NIPAL3: variants seen among roughly 807,000 people sequenced by gnomAD.
NIPAL3 encodes NIPA-like protein 3.
A neutral mutation model predicts 47.2 loss-of-function variants in NIPAL3; 41 were observed. The observed-to-expected ratio is 0.87, with a 90% confidence interval of 0.68 to 1.13. NIPAL3 has a LOEUF of 1.13. Ranked by LOEUF, NIPAL3 falls within the 50% of genes most tolerant of loss-of-function variation. The pLI, the probability that NIPAL3 is intolerant of heterozygous loss-of-function variation, is 0.00. For synonymous variants in NIPAL3, 194 were observed against 209.6 expected (o/e 0.93, Z 0.64); for missense variants, 449 against 530.1 (o/e 0.85, Z 1.50).
chr1:24,418,919 TG>T (rs1347428643), intron 1 of NIPAL3, among the ~76,000 whole-genome samples: 18 of 144,118 alleles, frequency 1.2e-4, no homozygotes, highest in African/African-American at 4.2e-4. Context: ...GTAGTGGAAT[TG>T]TTTTTTTTTT....
intron 1 of NIPAL3, among the ~76,000 whole-genome samples, chr1:24,417,148 C>T (rs1644089850): frequency 6.6e-6 from 1 of 152,186 alleles, no homozygotes; most frequent in Non-Finnish European, 1.5e-5. Context: ...CTTAACCAGC[C>T]TGCATTTAGT....
rs1352988934 is a variant in NIPAL3, at chr1:24,449,660, G to A, written c.540+34G>A. 2 of 1,595,770 alleles carry A rather than the reference G, an allele frequency of 1.3e-6. No individual in the cohort carries two copies. The highest frequency in any genetic ancestry group is 2.7e-5 in the African/African-American group (2 of 74,612). On this transcript the variant is annotated intron_variant, in intron 6 of 11. Transcript: ENST00000374399. This position sits in a 1 kb window ranked among gnomAD's most constrained non-coding sequence, Gnocchi z 4.5. ...AGCCTCCAGTCGTTCCCCCTGAGATGGCAGGAGGGAGATCAAGTCCTAGAA... is the reference window on the plus strand; with the variant it reads ...AGCCTCCAGTCGTTCCCCCTGAGATAGCAGGAGGGAGATCAAGTCCTAGAA...
rs142378306 is a variant in NIPAL3, at chr1:24,464,167, A to C, written c.1021+47A>C. ...TCTAGCTGAACATCCATATAGAATGACTGCTACTTCCTGTTTAAAAAGAGA... is the reference window on the plus strand; with the variant it reads ...TCTAGCTGAACATCCATATAGAATGCCTGCTACTTCCTGTTTAAAAAGAGA... On this transcript the variant is annotated intron_variant, in intron 11 of 11. Coordinates refer to ENST00000374399, the MANE Select transcript of NIPAL3 (RefSeq NM_020448.5). 2,079 of 1,425,532 alleles carry C rather than the reference A, an allele frequency of 1.5e-3. 31 individuals are homozygous for C. The South Asian group carries it at 0.015, about 10-fold the overall frequency. The allele number at this position is 1,425,532 out of a possible 1,614,324, so 88.3% of individuals were successfully genotyped here.
chr1:24,467,691 C>T (rs184977295), intron 11 of NIPAL3, among the ~76,000 whole-genome samples: 1 of 152,292 alleles, frequency 6.6e-6, no homozygotes, highest in East Asian at 1.9e-4. Flanking sequence ...ACTCAATACA[C>T]ATAAGCCATT....
At chr1:24,450,708 T>C (rs1468594064) in intron 6 of NIPAL3, among the ~76,000 whole-genome samples, 1 of 151,968 alleles carries the variant, frequency 6.6e-6, no homozygotes, top group East Asian at 1.9e-4. Context: ...AAAAGCAGGG[T>C]TGGATTTGAA....
At chr1:24,441,928 G>A in intron 3 of NIPAL3, 127 bp from the exon 4 acceptor site, 1 of 859,528 alleles carries the variant, frequency 1.2e-6, no homozygotes, top group Non-Finnish European at 1.8e-6. Context: ...TCTGAGTCAG[G>A]ACTCCACAAG....
rs74060355 is a variant in NIPAL3 at position 24,441,284 on chromosome 1, T to A, written c.163-771T>A. Among the ~76,000 whole-genome samples, 1,383 of 152,266 alleles carry A rather than the reference T, an allele frequency of 9.1e-3. 22 individuals are homozygous for A. Among genetic ancestry groups the A allele is most frequent in the African/African-American group, 0.031 (1,304 of 41,534 alleles). On this transcript the variant is annotated intron_variant, in intron 3 of 11. Transcript: ENST00000374399. ...GCTCTGGGATGTGTATGTTTCTGTG[T>A]GTCGCTGAGACCACGTGGTCTCTTA...
chr1:24,456,924 G>A (rs1464722376), intron 8 of NIPAL3, among the ~76,000 whole-genome samples: 2 of 152,000 alleles, frequency 1.3e-5, no homozygotes, highest in Non-Finnish European at 2.9e-5. Context: ...CACCACACCC[G>A]GCTAATTTTT....
chr1:24,427,599 G>A (rs1447701692), intron 2 of NIPAL3, among the ~76,000 whole-genome samples: 1 of 151,854 alleles, frequency 6.6e-6, no homozygotes, highest in Non-Finnish European at 1.5e-5. Context: ...ACCTTTGAAG[G>A]ACACTTCACA....
rs145402203 is a variant in NIPAL3 at position 24,425,137 on chromosome 1, G to A, written c.93+5497G>A. On this transcript the variant is annotated intron_variant, in intron 2 of 11. Coordinates refer to ENST00000374399, the MANE Select transcript of NIPAL3 (RefSeq NM_020448.5). ...CTTTACCTCAGCTGGGAAAAGTCAG[G>A]TCTCAATTCTTCTGTTGAGTGAGTA... Among the ~76,000 whole-genome samples the A allele has an allele frequency of 8.9e-4, 135 of 152,234 alleles. 1 individual carries two copies. Among genetic ancestry groups the A allele is most frequent in the East Asian group, 3.3e-3 (17 of 5,170 alleles).
chr1:24,434,041 G>C (rs1283364615), intron 2 of NIPAL3, among the ~76,000 whole-genome samples: 1 of 151,694 alleles, frequency 6.6e-6, no homozygotes, highest in Non-Finnish European at 1.5e-5. Flanking sequence ...AGGAATTGAG[G>C]AAAAAAAGAG....
At position 24,469,336 on chromosome 1, in the gene NIPAL3, G is replaced by A. The variant is rs548216536; in HGVS notation, c.*151G>A. 2 of 644,290 alleles carry A rather than the reference G, an allele frequency of 3.1e-6. No homozygotes were observed. The highest frequency in any genetic ancestry group is 5.2e-6 in the Non-Finnish European group (2 of 383,956). 39.9% of individuals were successfully genotyped at this position (644,290 alleles called of 1,614,324 possible). ...AAAGCCTTTGTCTCTGGGAAAGGAT[G>A]CGTTATCTTGGTCTTGGAAATTTCA... On this transcript the variant is annotated 3_prime_UTR_variant, in exon 12 of 12. Transcript: ENST00000374399.
intron 2 of NIPAL3, among the ~76,000 whole-genome samples, chr1:24,436,372 G>A (rs1395952339): frequency 6.6e-6 from 1 of 151,926 alleles, no homozygotes; most frequent in African/African-American, 2.4e-5. Context: ...AGTTTGGGAT[G>A]TATGAGGCAA....
At chr1:24,430,263 A>G (rs1298442418) in intron 2 of NIPAL3, among the ~76,000 whole-genome samples, 3 of 147,156 alleles carry the variant, frequency 2.0e-5, no homozygotes, top group African/African-American at 7.7e-5. Context: ...TTTTTTTGAG[A>G]CAGAGTCTCA....
chr1:24,472,940 T>C lies in NIPAL3; in HGVS notation c.*3755T>C, dbSNP rs1646953291. On this transcript the variant is annotated 3_prime_UTR_variant, in exon 12 of 12. Coordinates refer to ENST00000374399, the MANE Select transcript of NIPAL3 (RefSeq NM_020448.5). Reference sequence around the variant, plus strand: ...AAAAAAGTACTAGGTGCAAATAACATTATGAAGTGGTATTTAATTAAAAAT... The same window carrying C: ...AAAAAAGTACTAGGTGCAAATAACACTATGAAGTGGTATTTAATTAAAAAT... The C allele has an allele frequency of 1.3e-5, 2 of 152,266 alleles. No homozygotes were observed. Among genetic ancestry groups the C allele is most frequent in the Middle Eastern group, 3.4e-3 (1 of 294 alleles). 9.4% of individuals were successfully genotyped at this position (152,266 alleles called of 1,614,324 possible).
chr1:24,468,727 G>A (rs1646801728), intron 11 of NIPAL3, among the ~76,000 whole-genome samples: 2 of 152,094 alleles, frequency 1.3e-5, no homozygotes, highest in South Asian at 4.1e-4. Context: ...CTCACTTTAG[G>A]CCAACTGAGG....
rs1399557151 is a variant in NIPAL3, at chr1:24,472,794, C to A, written c.*3609C>A. The A allele has an allele frequency of 6.6e-6, 1 of 151,934 alleles. No individual in the cohort carries two copies. The highest frequency in any genetic ancestry group is 1.5e-5 in the Non-Finnish European group (1 of 68,012). 9.4% of individuals were successfully genotyped at this position (151,934 alleles called of 1,614,324 possible). A position where few individuals can be genotyped will look rare whatever the true frequency, so the allele number is the denominator to read the frequency against. The stretch of plus-strand genomic sequence containing the variant: ...GTTTCAACACTGGCTGATAGGCAGA[C>A]AAAAGGTTACTTGTGTGTTTCTCTG... On this transcript the variant is annotated 3_prime_UTR_variant, in exon 12 of 12. Transcript: ENST00000374399.
intron 2 of NIPAL3, among the ~76,000 whole-genome samples, chr1:24,422,652 C>T (rs1396938914): frequency 2.6e-5 from 4 of 152,136 alleles, no homozygotes; most frequent in African/African-American, 7.2e-5. Context: ...AATTTCTGGA[C>T]CACATGATCT....
intron 10 of NIPAL3, among the ~76,000 whole-genome samples, chr1:24,461,564 A>G (rs1646472593): frequency 6.7e-6 from 1 of 150,044 alleles, no homozygotes; most frequent in South Asian, 2.1e-4. Flanking sequence ...AAAAATCACA[A>G]ACTTTTAAAA....
Sources: allele counts gnomAD v4.1 joint callset (sites outside exome capture counted in the v4.1 genomes callset), GRCh38; gene constraint gnomAD v4.1.1; non-coding constraint Gnocchi (gnomAD v3.1); transcripts MANE v1.5; gene names NCBI Gene and HGNC (gene_info 2026-07-23, HGNC 2026-07-21).